PIEZO2: variants seen among roughly 807,000 people sequenced by gnomAD.
PIEZO2 encodes the protein piezo-type mechanosensitive ion channel component 2.
Under a neutral mutation model 337.3 loss-of-function variants are expected in PIEZO2, and 172 were observed. The ratio of observed to expected loss-of-function variants is 0.51; its 90% CI spans 0.45 to 0.58. PIEZO2 has a LOEUF of 0.58. Among genes scored for constraint, PIEZO2 ranks in the 20% least tolerant of loss-of-function variants. The probability of loss-of-function intolerance (pLI) is 0.00; values close to 1 mark genes in which losing one functional copy is unlikely to be tolerated. For synonymous variants in PIEZO2, 1,251 were observed against 1,228.5 expected, an observed-to-expected ratio of 1.02 and a Z score of -0.38; for missense variants, 3,028 against 3,391.3, an observed-to-expected ratio of 0.89 and a Z score of 2.66.
chr18:10,848,954 A>C (rs1390117717), intron 7 of PIEZO2, among the ~76,000 whole-genome samples: 1 of 152,222 alleles, frequency 6.6e-6, no homozygotes, highest in African/African-American at 2.4e-5. Context: ...CAAGATAAGC[A>C]AACCAACAAA....
chr18:10,689,846 C>T (rs1389780836), intron 48 of PIEZO2, 44 bp from the exon 49 acceptor site: 1 of 1,564,998 alleles, frequency 6.4e-7, no homozygotes, highest in South Asian at 1.2e-5. Context: ...CGTGGGTGGC[C>T]CCCACCACCC....
chr18:10,686,707 G>A (rs2034560276), intron 49 of PIEZO2, among the ~76,000 whole-genome samples: 1 of 152,166 alleles, frequency 6.6e-6, no homozygotes, highest in South Asian at 2.1e-4. Flanking sequence ...GAAAGATGGG[G>A]TCTAGACTTG....
chr18:11,036,988 C>A (rs1178677283), intron 2 of PIEZO2, among the ~76,000 whole-genome samples: 3 of 152,008 alleles, frequency 2.0e-5, no homozygotes, highest in African/African-American at 7.3e-5. Context: ...GTGTGTGTGA[C>A]AGAGCGAGAC....
rs1453909658 is a variant in PIEZO2, at chr18:10,803,879, C to T, written c.1196G>A (p.Arg399Lys). ...WYATHYPTDERKLLSMTQDDY... is the reference protein window; with the variant it reads ...WYATHYPTDEKKLLSMTQDDY... The stretch of plus-strand genomic sequence containing the variant: ...ATCCCTTTCATCATGGCTTACTTTT[C>T]TCTCATCAGTGGGGTAATGGGTTGC... The change falls in exon 9 of 56, where the codon AGA (arginine) becomes AAA (lysine). Residue 399 changes from arginine to lysine, a missense_variant. This residue lies in a region of PIEZO2 where 542 missense variants were observed against 605.6 expected (regional missense o/e 0.89). Transcript: ENST00000674853. The T allele has an allele frequency of 3.9e-6, 6 of 1,536,722 alleles. No individual in the cohort carries two copies. Among genetic ancestry groups the T allele is most frequent in the Non-Finnish European group, 5.2e-6 (6 of 1,146,834 alleles).
At chr18:11,079,736 A>C (rs755027927) in intron 1 of PIEZO2, among the ~76,000 whole-genome samples, 9 of 152,214 alleles carry the variant, frequency 5.9e-5, no homozygotes, top group Non-Finnish European at 1.3e-4. Context: ...CCTTCAAATT[A>C]GCTCAAATGT....
intron 2 of PIEZO2, among the ~76,000 whole-genome samples, chr18:11,062,723 C>A (rs2038012482): frequency 1.3e-5 from 2 of 152,106 alleles, no homozygotes; most frequent in Admixed American, 1.3e-4. Flanking sequence ...CCATCTTACA[C>A]CAGTTAGAAT....
In PIEZO2 at chr18:11,132,944, C is replaced by T. The variant is rs1274774482; in HGVS notation, c.64+15581G>A. Among the ~76,000 whole-genome samples the T allele has an allele frequency of 1.3e-5, 2 of 152,054 alleles. No homozygotes were observed. The highest frequency in any genetic ancestry group is 2.9e-5 in the Non-Finnish European group (2 of 68,018). On this transcript the variant is annotated intron_variant, in intron 1 of 55. Coordinates refer to ENST00000674853, the MANE Select transcript of PIEZO2 (RefSeq NM_001378183.1). The surrounding 1 kb of genome is among the most constrained non-coding windows in gnomAD (Gnocchi z 4.7). ...AGGCAGCACTACAAATGACCCAAAC[C>T]CTTCAGGAATGAAGGTTTGGGTCAC...
chr18:10,990,383 A>G (rs977473505), intron 2 of PIEZO2, among the ~76,000 whole-genome samples: 2 of 152,154 alleles, frequency 1.3e-5, no homozygotes, highest in African/African-American at 4.8e-5. Flanking sequence ...CTCTTTGGTT[A>G]ATCCTCTAAT....
chr18:10,738,109 G>A (rs942221635), intron 33 of PIEZO2: 1 of 152,150 alleles, frequency 6.6e-6, no homozygotes, highest in African/African-American at 2.4e-5. Flanking sequence ...TCCAGGCCTT[G>A]GGAAATAAAT....
Position 11,066,173 on chromosome 18 carries a change from GAGGTAGATA to G in PIEZO2, c.105_113del (p.Ile36_Leu38del). 6.5e-7 allele frequency: 1 copy of G among 1,536,888 alleles called. No individual in the cohort carries two copies. The highest frequency in any genetic ancestry group is 8.7e-7 in the Non-Finnish European group (1 of 1,146,672). On this transcript the variant is annotated inframe_deletion, in exon 2 of 56. Transcript: ENST00000674853. The stretch of plus-strand genomic sequence containing the variant: ...GTTCTGAGAACAGAGGAATGAGCAA[GAGGTAGATA>G]AGGTAGACAAAGGAGAGCCCATTGT...
rs2036738117 is a variant in PIEZO2, at chr18:11,031,528, T to TAAG, written c.160+34598_160+34599insCTT. 6.6e-6 allele frequency among the ~76,000 whole-genome samples: 1 copy of TAAG among 152,244 alleles called. No individual in the cohort carries two copies. The highest frequency in any genetic ancestry group is 6.5e-5 in the Admixed American group (1 of 15,290). ...ACACTGGAACTTATACTATTTGATA[T>TAAG]TTTAATATTCTTCACAGAGATGATA... On this transcript the variant is annotated intron_variant, in intron 2 of 55. Transcript: ENST00000674853. This position sits in a 1 kb window ranked among gnomAD's most constrained non-coding sequence, Gnocchi z 4.7.
At chr18:10,700,602 G>A (rs1010849242) in intron 43 of PIEZO2, among the ~76,000 whole-genome samples, 3 of 152,004 alleles carry the variant, frequency 2.0e-5, no homozygotes, top group African/African-American at 7.2e-5. Context: ...TGCCTAAAGA[G>A]TTATAATAAT....
chr18:10,782,300 TATAA>T lies in PIEZO2; in HGVS notation c.2493-1938_2493-1935del, dbSNP rs1400315535. On this transcript the variant is annotated intron_variant, in intron 17 of 55. Coordinates refer to ENST00000674853, the MANE Select transcript of PIEZO2 (RefSeq NM_001378183.1). ...ATTATATAATATAATTATAATTATA[TATAA>T]ATAATTATATAATATATTATAATTA... Among the ~76,000 whole-genome samples the T allele has an allele frequency of 2.7e-5, 3 of 111,596 alleles. No individual in the cohort carries two copies. The Admixed American group carries it at 4.0e-4, about 15-fold the overall frequency. 73.2% of individuals were successfully genotyped at this position (111,596 alleles called of 152,430 possible). A position where few individuals can be genotyped will look rare whatever the true frequency, so the allele number is the denominator to read the frequency against.
At position 10,689,947 on chromosome 18, in the gene PIEZO2, C is replaced by T. The variant is rs569159602; in HGVS notation, c.7350-145G>A. ...AGGTGACCCTTCCAGTAAAACCCAA[C>T]TTGGAACACAACTGCTTTTCATTAT... On this transcript the variant is annotated intron_variant, in intron 48 of 55. Coordinates refer to ENST00000674853, the MANE Select transcript of PIEZO2 (RefSeq NM_001378183.1). 8 of 833,876 alleles carry T rather than the reference C, an allele frequency of 9.6e-6. No individual in the cohort carries two copies. In the South Asian group the frequency reaches 1.7e-4, roughly 17 times the overall value. 51.7% of individuals were successfully genotyped at this position (833,876 alleles called of 1,614,324 possible). A position where few individuals can be genotyped will look rare whatever the true frequency, so the allele number is the denominator to read the frequency against.
At chr18:10,939,923 T>C (rs1255531124) in intron 3 of PIEZO2, among the ~76,000 whole-genome samples, 6 of 152,088 alleles carry the variant, frequency 3.9e-5, no homozygotes, top group Non-Finnish European at 7.4e-5. Flanking sequence ...ATCCCGTGAC[T>C]TAAAGTAAAA....
chr18:10,975,321 T>C lies in PIEZO2; in HGVS notation c.286+4214A>G, dbSNP rs572661658. On this transcript the variant is annotated intron_variant, in intron 3 of 55. Transcript: ENST00000674853. ...TCTATGTAATCTGTAATGACATAAT[T>C]GAAACCGGGTTTACATTTATTTAAG... Among the ~76,000 whole-genome samples the C allele has an allele frequency of 1.1e-4, 17 of 152,350 alleles. No homozygotes were observed. The Middle Eastern group carries it at 0.01, about 91-fold the overall frequency.
Position 10,853,107 on chromosome 18 carries a change from G to GGAAGAGCACTTCAAGTGAGC in PIEZO2, c.917+2226_917+2245dup, listed in dbSNP as rs1260861371. ...TGACCTTGTAGGAGCATTCGGTGAG[G>GGAAGAGCACTTCAAGTGAGC]GAAGAGCACTTCAAGTGAGCGAAGA... On this transcript the variant is annotated intron_variant, in intron 7 of 55. Coordinates refer to ENST00000674853, the MANE Select transcript of PIEZO2 (RefSeq NM_001378183.1). The surrounding 1 kb of genome is among the most constrained non-coding windows in gnomAD (Gnocchi z 4.2). Among the ~76,000 whole-genome samples, 8 of 152,172 alleles carry GGAAGAGCACTTCAAGTGAGC rather than the reference G, an allele frequency of 5.3e-5. No homozygotes were observed. In the South Asian group the frequency reaches 6.2e-4, roughly 12 times the overall value.
At chr18:10,961,485 C>T (rs1014916552) in intron 3 of PIEZO2, among the ~76,000 whole-genome samples, 1 of 151,924 alleles carries the variant, frequency 6.6e-6, no homozygotes, top group Non-Finnish European at 1.5e-5. Flanking sequence ...GATGGGTGAA[C>T]CAAAATCTCA....
In PIEZO2 at chr18:10,914,175, G is replaced by A. The variant is rs144851371; in HGVS notation, c.287-2947C>T. 4.2e-4 allele frequency among the ~76,000 whole-genome samples: 64 copies of A among 152,178 alleles called. No homozygotes were observed. In the Middle Eastern group the frequency reaches 0.014, roughly 32 times the overall value. The stretch of plus-strand genomic sequence containing the variant: ...CACTTTCGCCAAAGCAGTCCAACAC[G>A]GGGAAAGTAGAGAAAACAAAAGTAG... On this transcript the variant is annotated intron_variant, in intron 3 of 55. Coordinates refer to ENST00000674853, the MANE Select transcript of PIEZO2 (RefSeq NM_001378183.1).
Sources: allele counts gnomAD v4.1 joint callset (sites outside exome capture counted in the v4.1 genomes callset), GRCh38; gene constraint gnomAD v4.1.1; regional missense constraint gnomAD v4.1.1; non-coding constraint Gnocchi (gnomAD v3.1); transcripts MANE v1.5; gene names NCBI Gene and HGNC (gene_info 2026-07-23, HGNC 2026-07-21).